The following ATP10B variants were observed in gnomAD, a reference collection of about 807,000 sequenced individuals.
The protein encoded by ATP10B is ATPase phospholipid transporting 10B (putative), also known as phospholipid-transporting ATPase VB.
A neutral mutation model predicts 141.2 loss-of-function variants in ATP10B; 122 were observed. That is an observed-to-expected ratio of 0.86 (90% confidence interval 0.75 to 1.00). ATP10B has a LOEUF of 1.00. Among genes scored for constraint, ATP10B ranks in the 50% least tolerant of loss-of-function variants. The pLI, the probability that ATP10B is intolerant of heterozygous loss-of-function variation, is 0.00. For synonymous variants in ATP10B, 685 were observed against 692.0 expected (o/e 0.99, Z 0.16); for missense variants, 1,876 against 1,825.3 (o/e 1.03, Z -0.51).
rs185588061 is a variant in ATP10B, at chr5:160,575,642, A to C, written c.3751-5959T>G. On this transcript the variant is annotated intron_variant, in intron 24 of 25. Coordinates refer to ENST00000327245, the MANE Select transcript of ATP10B (RefSeq NM_025153.3). ...GGATTCTATCTAGGATTCATTTTTC[A>C]TATAACAACAACCCACTAAATTCTT... is the stretch of plus-strand genomic sequence containing the variant. Among the ~76,000 whole-genome samples the C allele has an allele frequency of 5.3e-5, 8 of 152,318 alleles. No individual in the cohort carries two copies. The East Asian group carries it at 1.5e-3, about 29-fold the overall frequency.
intron 23 of ATP10B, among the ~76,000 whole-genome samples, chr5:160,590,519 A>T (rs1756217348): frequency 6.6e-6 from 1 of 151,690 alleles, no homozygotes; most frequent in Non-Finnish European, 1.5e-5. Context: ...GAGGAATCAA[A>T]CTGAGATTGG....
the ATP10B span, among the ~76,000 whole-genome samples, chr5:160,893,936 A>AGGGG: frequency 1.3e-5 from 2 of 152,182 alleles, no homozygotes; most frequent in African/African-American, 4.8e-5. Flanking sequence ...GCTCCAGCAG[A>AGGGG]CCTGCAGCAG....
intron 17 of ATP10B, 37 bp from the exon 18 acceptor site, chr5:160,612,962 G>C (rs376260960): frequency 1.5e-5 from 23 of 1,574,650 alleles, no homozygotes; most frequent in African/African-American, 8.2e-5. Context: ...CACATTTATC[G>C]TAAAAGAGTA....
intron 6 of ATP10B, among the ~76,000 whole-genome samples, chr5:160,675,245 G>A (rs1377125764): frequency 6.6e-6 from 1 of 152,202 alleles, no homozygotes; most frequent in Non-Finnish European, 1.5e-5. Flanking sequence ...CCACACCTGG[G>A]AACTGACTGC....
At chr5:160,802,997 C>T (rs772897074) in intron 1 of ATP10B, among the ~76,000 whole-genome samples, 2 of 152,154 alleles carry the variant, frequency 1.3e-5, no homozygotes, top group African/African-American at 4.8e-5. Flanking sequence ...TTACTTCCAG[C>T]TGAACTCACT....
intron 24 of ATP10B, among the ~76,000 whole-genome samples, chr5:160,583,353 C>T (rs1374611198): frequency 6.6e-6 from 1 of 152,114 alleles, no homozygotes; most frequent in Non-Finnish European, 1.5e-5. Flanking sequence ...CTGGAGTTTG[C>T]TGGAGGTCCA....
At chr5:160,757,484 A>C (rs942558927) in intron 2 of ATP10B, among the ~76,000 whole-genome samples, 1 of 152,244 alleles carries the variant, frequency 6.6e-6, no homozygotes, top group African/African-American at 2.4e-5. Flanking sequence ...GATATTGTCT[A>C]TATTATTCAC....
intron 1 of ATP10B, among the ~76,000 whole-genome samples, chr5:160,838,053 C>T (rs1775570086): frequency 6.6e-6 from 1 of 152,172 alleles, no homozygotes; most frequent in Admixed American, 6.5e-5. Flanking sequence ...TAAAAGCCAG[C>T]TCCAGTTGTC....
chr5:160,705,338 C>T (rs1194157287), intron 3 of ATP10B, among the ~76,000 whole-genome samples: 7 of 152,186 alleles, frequency 4.6e-5, no homozygotes, highest in Admixed American at 4.6e-4. Flanking sequence ...CCTCCTACCT[C>T]AGCCTCCCAA....
chr5:160,759,830 C>G (rs1768898244), intron 2 of ATP10B, among the ~76,000 whole-genome samples: 2 of 152,126 alleles, frequency 1.3e-5, no homozygotes, highest in African/African-American at 4.8e-5. Flanking sequence ...GAATTTTGTA[C>G]CTATTTTCTT....
chr5:160,674,711 G>C (rs1435785980), intron 6 of ATP10B, among the ~76,000 whole-genome samples: 2 of 151,906 alleles, frequency 1.3e-5, no homozygotes, highest in Non-Finnish European at 2.9e-5. Context: ...GGATACCCTG[G>C]TAGGCATCTA....
intron 2 of ATP10B, among the ~76,000 whole-genome samples, chr5:160,769,539 G>A (rs999981099): frequency 3.3e-5 from 5 of 152,304 alleles, no homozygotes; most frequent in African/African-American, 1.2e-4. Context: ...AGATGTCAGG[G>A]CCTAATTAAA....
At chr5:160,775,883 G>T (rs771341105) in intron 2 of ATP10B, among the ~76,000 whole-genome samples, 1 of 151,908 alleles carries the variant, frequency 6.6e-6, no homozygotes, top group East Asian at 1.9e-4. Context: ...GGGTTTCACC[G>T]TGTTAGCCAG....
At position 160,641,617 on chromosome 5, in the gene ATP10B, C is replaced by A. The variant is rs146483089; in HGVS notation, c.869-1025G>T. 3.2e-3 allele frequency among the ~76,000 whole-genome samples: 484 copies of A among 151,952 alleles called. 2 individuals are homozygous for A. The highest frequency in any genetic ancestry group is 0.011 in the African/African-American group (460 of 41,392). On this transcript the variant is annotated intron_variant, in intron 9 of 25. Coordinates refer to ENST00000327245, the MANE Select transcript of ATP10B (RefSeq NM_025153.3). ...CCAGTGTAGTTCTCCTTTCACCAAC[C>A]CCTGGGACCCAAGATCACACACCTA...
chr5:160,578,283 G>C (rs889083616), intron 24 of ATP10B, among the ~76,000 whole-genome samples: 7 of 152,118 alleles, frequency 4.6e-5, no homozygotes, highest in African/African-American at 1.7e-4. Flanking sequence ...TGCCATGGTG[G>C]TTTGCTGCAT....
chr5:160,856,034 T>C (rs963882726), upstream of ATP10B, among the ~76,000 whole-genome samples: 2 of 151,920 alleles, frequency 1.3e-5, no homozygotes, highest in African/African-American at 4.8e-5. Context: ...TTATTTTTTT[T>C]CAAAATTGTT....
intron 3 of ATP10B, among the ~76,000 whole-genome samples, chr5:160,709,099 C>A (rs1014559592): frequency 1.3e-5 from 2 of 152,146 alleles, no homozygotes; most frequent in East Asian, 1.9e-4. Context: ...CTTGTTTCTA[C>A]TTCAACACAA....
intron 7 of ATP10B, among the ~76,000 whole-genome samples, chr5:160,653,146 A>G (rs1004017178): frequency 1.5e-5 from 2 of 131,086 alleles, no homozygotes; most frequent in Non-Finnish European, 3.1e-5. Context: ...ATAAATATAT[A>G]TTATAAATAC....
intron 7 of ATP10B, among the ~76,000 whole-genome samples, chr5:160,653,921 A>AAT (rs201343828): frequency 0.98 from 62,373 of 63,856 alleles, 30,524 homozygotes; most frequent in Middle Eastern, 1. Flanking sequence ...TACATATATA[A>AAT]ATATGTTGTA....
Sources: allele counts gnomAD v4.1 joint callset (sites outside exome capture counted in the v4.1 genomes callset), GRCh38; gene constraint gnomAD v4.1.1; transcripts MANE v1.5; gene names NCBI Gene and HGNC (gene_info 2026-07-23, HGNC 2026-07-21).